The following PTPRT variants were observed in gnomAD, a reference collection of about 807,000 sequenced individuals.
PTPRT encodes the protein protein tyrosine phosphatase receptor type T.
In PTPRT, 56 loss-of-function variants were observed where a neutral mutation model predicts 176.8. The observed-to-expected ratio is 0.32, with a 90% CI of 0.26 to 0.40. The LOEUF (loss-of-function observed/expected upper bound fraction) is 0.40, where lower values mean the gene tolerates loss of function less well. Ranked by LOEUF, PTPRT falls within the 10% of genes least tolerant of loss-of-function variation. The pLI is 1.00. For synonymous variants in PTPRT, 783 were observed against 739.0 expected (o/e 1.06, Z -0.96); for missense variants, 1,540 against 1,908.2 (o/e 0.81, Z 3.60).
intron 1 of PTPRT, among the ~76,000 whole-genome samples, chr20:42,900,548 T>C (rs1022367723): frequency 3.3e-5 from 5 of 152,160 alleles, no homozygotes; most frequent in African/African-American, 7.2e-5. Flanking sequence ...TCACACTTCA[T>C]TCCCGTAGCA....
intron 7 of PTPRT, among the ~76,000 whole-genome samples, chr20:42,640,531 G>A (rs991493606): frequency 6.6e-6 from 1 of 152,040 alleles, no homozygotes; most frequent in Admixed American, 6.6e-5. Context: ...TGGGATTAGA[G>A]GTGTGCATTA....
intron 8 of PTPRT, among the ~76,000 whole-genome samples, chr20:42,460,183 G>T (rs1296460254): frequency 6.6e-6 from 1 of 152,118 alleles, no homozygotes; most frequent in Non-Finnish European, 1.5e-5. Context: ...CTGGCCTGGA[G>T]GTATCAATTG....
intron 7 of PTPRT, among the ~76,000 whole-genome samples, chr20:42,530,031 G>T (rs6030305): frequency 1.3e-5 from 2 of 152,140 alleles, no homozygotes; most frequent in Non-Finnish European, 2.9e-5. Context: ...GCACAGCAAG[G>T]CTTTTTGTTA....
chr20:42,581,496 T>C (rs1225499657), intron 7 of PTPRT, among the ~76,000 whole-genome samples: 1 of 151,218 alleles, frequency 6.6e-6, no homozygotes, highest in Non-Finnish European at 1.5e-5. Flanking sequence ...TGAATATCTA[T>C]TGAATTGCAC....
At chr20:42,036,440 C>G in the PTPRT span, among the ~76,000 whole-genome samples, 2 of 152,182 alleles carry the variant, frequency 1.3e-5, no homozygotes, top group Non-Finnish European at 2.9e-5. Context: ...GATGGGGAAA[C>G]TGAGGCTCAG....
At chr20:42,065,629 G>T in the PTPRT span, among the ~76,000 whole-genome samples, 7 of 152,196 alleles carry the variant, frequency 4.6e-5, no homozygotes, top group Admixed American at 2.6e-4. Flanking sequence ...CTCAAGGAAA[G>T]AAAATGCTAG....
intron 7 of PTPRT, among the ~76,000 whole-genome samples, chr20:42,612,669 C>T (rs2073995136): frequency 6.6e-6 from 1 of 152,114 alleles, no homozygotes; most frequent in Non-Finnish European, 1.5e-5. Flanking sequence ...GCCAGCTTCC[C>T]TGGCTGACAT....
At chr20:42,090,536 A>G (rs1984505150) in intron 27 of PTPRT, among the ~76,000 whole-genome samples, 2 of 152,214 alleles carry the variant, frequency 1.3e-5, no homozygotes, top group South Asian at 4.1e-4. Context: ...CCATAAACTC[A>G]TAATAGCATG....
intron 17 of PTPRT, among the ~76,000 whole-genome samples, chr20:42,160,529 G>T (rs1435663827): frequency 6.6e-6 from 1 of 151,532 alleles, no homozygotes; most frequent in African/African-American, 2.4e-5. Context: ...ATGCTGAGGG[G>T]TGGGGGTGGA....
At chr20:42,339,411 C>T (rs897967576) in intron 11 of PTPRT, among the ~76,000 whole-genome samples, 1 of 152,188 alleles carries the variant, frequency 6.6e-6, no homozygotes, top group African/African-American at 2.4e-5. Flanking sequence ...TGGTTATCCT[C>T]ATGCTGAAAC....
intron 1 of PTPRT, among the ~76,000 whole-genome samples, chr20:42,986,884 G>A (rs1983612424): frequency 6.6e-6 from 1 of 152,156 alleles, no homozygotes. Context: ...CAGAGGCTGG[G>A]GACAGACTCT....
chr20:42,318,562 C>G (rs1600827910), intron 11 of PTPRT, among the ~76,000 whole-genome samples: 1 of 152,268 alleles, frequency 6.6e-6, no homozygotes, highest in East Asian at 1.9e-4. Context: ...AACAACAGAC[C>G]TAAGAACACT....
intron 12 of PTPRT, among the ~76,000 whole-genome samples, chr20:42,292,782 T>C (rs898119809): frequency 1.3e-5 from 2 of 152,170 alleles, no homozygotes; most frequent in African/African-American, 4.8e-5. Flanking sequence ...CGCAGGACCT[T>C]GAACAATCAG....
chr20:42,461,377 T>C (rs375817313), intron 8 of PTPRT, among the ~76,000 whole-genome samples: 1 of 152,016 alleles, frequency 6.6e-6, no homozygotes, highest in African/African-American at 2.4e-5. Context: ...ATAAATTAGC[T>C]GAGCACACTT....
At chr20:42,986,353 C>A (rs1983579985) in intron 1 of PTPRT, among the ~76,000 whole-genome samples, 1 of 152,200 alleles carries the variant, frequency 6.6e-6, no homozygotes, top group Admixed American at 6.5e-5. Flanking sequence ...AGCAAACCAG[C>A]TTCCTGCAGC....
intron 7 of PTPRT, among the ~76,000 whole-genome samples, chr20:42,481,487 A>G (rs562100559): frequency 1.3e-5 from 2 of 152,342 alleles, no homozygotes; most frequent in African/African-American, 4.8e-5. Flanking sequence ...TTATTATGCT[A>G]GTCCACAGGC....
intron 1 of PTPRT, among the ~76,000 whole-genome samples, chr20:43,056,073 T>C (rs994270489): frequency 6.6e-6 from 1 of 152,216 alleles, no homozygotes; most frequent in Non-Finnish European, 1.5e-5. Flanking sequence ...AGAGAGGAAA[T>C]GATTTGTCTT....
At chr20:42,956,915 T>G (rs900624519) in intron 1 of PTPRT, among the ~76,000 whole-genome samples, 2 of 152,128 alleles carry the variant, frequency 1.3e-5, no homozygotes, top group Non-Finnish European at 2.9e-5. Flanking sequence ...CTTCATTCAG[T>G]GGCAAAAAGC....
chr20:42,998,650 T>C (rs938939992), intron 1 of PTPRT, among the ~76,000 whole-genome samples: 1 of 152,202 alleles, frequency 6.6e-6, no homozygotes, highest in African/African-American at 2.4e-5. Context: ...CAAGATCATC[T>C]CTCTGCAGTA....
Sources: allele counts gnomAD v4.1 joint callset (sites outside exome capture counted in the v4.1 genomes callset), GRCh38; gene constraint gnomAD v4.1.1; transcripts MANE v1.5; gene names NCBI Gene and HGNC (gene_info 2026-07-23, HGNC 2026-07-21).